Variants in CCAR1 observed in about 807,000 individuals in gnomAD.
CCAR1 encodes the protein cell division cycle and apoptosis regulator 1.
CCAR1 carries 78 observed loss-of-function variants against 163.8 expected under a neutral mutation model. The observed-to-expected ratio is 0.48, with a 90% CI of 0.40 to 0.57. The LOEUF is 0.57. Ranked by LOEUF, CCAR1 falls within the 20% of genes least tolerant of loss-of-function variation. The pLI is 0.00. For missense variants in CCAR1, 1,019 were observed against 1,365.2 expected, an observed-to-expected ratio of 0.75 and a Z score of 4.00; for synonymous variants, 443 against 460.7, an observed-to-expected ratio of 0.96 and a Z score of 0.49.
At chr10:68,734,930 A>T (rs2056089062) in intron 2 of CCAR1, among the ~76,000 whole-genome samples, 1 of 152,184 alleles carries the variant, frequency 6.6e-6, no homozygotes, top group Non-Finnish European at 1.5e-5. Flanking sequence ...TTAAACATTT[A>T]AGTACCAAAG....
rs1389938366 is a variant in CCAR1 at position 68,755,463 on chromosome 10, T to A, written c.1552T>A (p.Ser518Thr). 5.0e-6 allele frequency: 8 copies of A among 1,614,066 alleles called. No individual in the cohort carries two copies. The highest frequency in any genetic ancestry group is 3.4e-6 in the Non-Finnish European group (4 of 1,179,984). The stretch of plus-strand genomic sequence containing the variant: ...TGGACCAGACCCAGAAAAAGATCCC[T>A]CTGTGTTGATTAAGACTGCTATTCG... Reference protein sequence around the residue: ...LDGPDPEKDPSVLIKTAIRCC... With the variant: ...LDGPDPEKDPTVLIKTAIRCC... The change falls in exon 13 of 25, where the codon TCT becomes ACT. Residue 518 changes from serine to threonine, a missense_variant. Transcript: ENST00000265872.
chr10:68,746,446 T>G (rs1166642209), intron 6 of CCAR1, among the ~76,000 whole-genome samples: 1 of 152,060 alleles, frequency 6.6e-6, no homozygotes, highest in Non-Finnish European at 1.5e-5. Flanking sequence ...GTCAGGCTGG[T>G]CTTGAACTCC....
chr10:68,737,188 TATATCTGACCAGC>T, intron 3 of CCAR1, 140 bp downstream of exon 3: 1 of 673,642 alleles, frequency 1.5e-6, no homozygotes, highest in Non-Finnish European at 2.6e-6. Context: ...TGATGAATAT[TATATCTGACCAGC>T]ATATATAGGG....
chr10:68,779,725 A>C (rs936060389), intron 19 of CCAR1, among the ~76,000 whole-genome samples: 1 of 152,210 alleles, frequency 6.6e-6, no homozygotes, highest in Non-Finnish European at 1.5e-5. Flanking sequence ...TATCCTTTAA[A>C]ATATCAACAT....
At chr10:68,748,732 GA>G (rs1180203053) in intron 8 of CCAR1, among the ~76,000 whole-genome samples, 1 of 151,634 alleles carries the variant, frequency 6.6e-6, no homozygotes, top group African/African-American at 2.4e-5. Flanking sequence ...TCTTTTTTTG[GA>G]GACAAGGTAT....
chr10:68,774,686 A>G (rs1276242430), intron 19 of CCAR1, among the ~76,000 whole-genome samples: 2 of 151,732 alleles, frequency 1.3e-5, no homozygotes, highest in African/African-American at 4.8e-5. Context: ...TCATAATGCA[A>G]AAGAGTACAT....
At chr10:68,729,459 C>T (rs1261894837) in intron 2 of CCAR1, among the ~76,000 whole-genome samples, 5 of 151,714 alleles carry the variant, frequency 3.3e-5, no homozygotes, top group Admixed American at 3.3e-4. Flanking sequence ...TTAGTAGAGT[C>T]AGGGTTTCAC....
intron 8 of CCAR1, among the ~76,000 whole-genome samples, chr10:68,748,862 G>C (rs1175541008): frequency 2.0e-5 from 3 of 151,840 alleles, no homozygotes; most frequent in African/African-American, 7.3e-5. Flanking sequence ...CCTTTTTTTA[G>C]AGATAGGGTT....
chr10:68,733,660 A>T (rs1417871887), intron 2 of CCAR1, among the ~76,000 whole-genome samples: 3 of 151,924 alleles, frequency 2.0e-5, no homozygotes, highest in African/African-American at 7.2e-5. Flanking sequence ...AATTTTTAAA[A>T]TTTATTTTAT....
At chr10:68,771,084 A>G in intron 17 of CCAR1, 122 bp from the exon 18 acceptor site, 2 of 829,912 alleles carry the variant, frequency 2.4e-6, no homozygotes, top group Non-Finnish European at 3.7e-6. Context: ...TCTCAAAAAA[A>G]AAAAAGTTTG....
At chr10:68,771,764 C>G (rs750935618) in intron 18 of CCAR1, among the ~76,000 whole-genome samples, 5 of 151,936 alleles carry the variant, frequency 3.3e-5, no homozygotes, top group Admixed American at 6.6e-5. Flanking sequence ...GCCTGGGTGA[C>G]ATAGCGAGAC....
At chr10:68,726,277 A>T (rs1346438206) in intron 2 of CCAR1, among the ~76,000 whole-genome samples, 2 of 151,578 alleles carry the variant, frequency 1.3e-5, no homozygotes, top group African/African-American at 4.9e-5. Flanking sequence ...TCAGCCTCCC[A>T]AGTAGCTGGG....
At position 68,761,343 on chromosome 10, in the gene CCAR1, G is replaced by C. The variant is rs2056467480; in HGVS notation, c.2106+151G>C. The stretch of plus-strand genomic sequence containing the variant: ...TTTATTTGAGACTGAGTCTCGTTCT[G>C]TTGCCCAGGCTGGAGTGCAGTGGAG... On this transcript the variant is annotated intron_variant, in intron 16 of 24. Transcript: ENST00000265872. 1.5e-5 allele frequency: 5 copies of C among 324,844 alleles called. No homozygotes were observed. The East Asian group carries it at 2.7e-4, about 17-fold the overall frequency. The allele number at this position is 324,844 out of a possible 1,614,324, so 20.1% of individuals were successfully genotyped here. A position where few individuals can be genotyped will look rare whatever the true frequency, so the allele number is the denominator to read the frequency against.
intron 15 of CCAR1, among the ~76,000 whole-genome samples, chr10:68,760,467 T>C (rs188489699): frequency 6.6e-6 from 1 of 152,210 alleles, no homozygotes; most frequent in African/African-American, 2.4e-5. Flanking sequence ...TTTAAAAAAA[T>C]TTTTATGCAT....
intron 4 of CCAR1, among the ~76,000 whole-genome samples, chr10:68,740,378 T>G (rs186178760): frequency 6.6e-6 from 1 of 152,154 alleles, no homozygotes; most frequent in Non-Finnish European, 1.5e-5. Context: ...ACATTTTTCT[T>G]AAGATAACTG....
Position 68,727,149 on chromosome 10 carries a change from T to C in CCAR1, c.73+4572T>C, listed in dbSNP as rs1171690894. 4.1e-5 allele frequency among the ~76,000 whole-genome samples: 6 copies of C among 146,564 alleles called. No homozygotes were observed. The Admixed American group carries it at 4.1e-4, about 10-fold the overall frequency. On this transcript the variant is annotated intron_variant, in intron 2 of 24. Transcript: ENST00000265872. ...GTGGCACGATCTGGGCTCACTGCAATCTCTGCCTCCCGGGTTCAAGTGATT... is the reference window on the plus strand; with the variant it reads ...GTGGCACGATCTGGGCTCACTGCAACCTCTGCCTCCCGGGTTCAAGTGATT...
intron 19 of CCAR1, among the ~76,000 whole-genome samples, chr10:68,783,734 G>A (rs2056763738): frequency 6.6e-6 from 1 of 152,000 alleles, no homozygotes; most frequent in South Asian, 2.1e-4. Flanking sequence ...TGCAATATCA[G>A]GATAAACTAA....
intron 2 of CCAR1, among the ~76,000 whole-genome samples, chr10:68,724,389 C>T (rs1589149963): frequency 6.6e-6 from 1 of 152,098 alleles, no homozygotes; most frequent in Middle Eastern, 3.4e-3. Context: ...GTACTTGAAC[C>T]GGGGAGGCAG....
In CCAR1 at chr10:68,772,985, TAGAA is replaced by T; in HGVS notation, c.2541_2544del (p.Glu848IlefsTer42). On this transcript the variant is annotated splice_acceptor_variant and coding_sequence_variant, in exon 19 of 25. Transcript: ENST00000265872. LOFTEE classifies it high-confidence loss of function. ...TAAATAATAAAGGCATTTTAAATTA[TAGAA>T]AGAAGATAAAAGAAAAGATGATTCT... 1.5e-6 allele frequency: 2 copies of T among 1,328,202 alleles called. No individual in the cohort carries two copies. Among genetic ancestry groups the T allele is most frequent in the Non-Finnish European group, 2.1e-6 (2 of 953,908 alleles). The allele number at this position is 1,328,202 out of a possible 1,614,324, so 82.3% of individuals were successfully genotyped here. A position where few individuals can be genotyped will look rare whatever the true frequency, so the allele number is the denominator to read the frequency against.
Sources: gnomAD v4.1 joint callset for allele counts (sites outside exome capture counted in the v4.1 genomes callset) on GRCh38, gnomAD v4.1.1 for gene constraint, MANE v1.5 for transcripts, NCBI Gene and HGNC (gene_info 2026-07-23, HGNC 2026-07-21) for gene names.